Variants in MACROD2 observed in about 807,000 individuals in gnomAD.
MACROD2 encodes the protein ADP-ribose glycohydrolase MACROD2.
MACROD2 carries 36 observed loss-of-function variants against 70.4 expected under a neutral mutation model. The observed-to-expected ratio is 0.51, with a 90% CI of 0.39 to 0.68. The LOEUF (loss-of-function observed/expected upper bound fraction) is 0.68. Ranked by LOEUF, MACROD2 falls within the 30% of genes least tolerant of loss-of-function variation. The pLI is 0.00. For missense variants in MACROD2, 496 were observed against 538.4 expected, an observed-to-expected ratio of 0.92 and a Z score of 0.78; for synonymous variants, 172 against 178.8, an observed-to-expected ratio of 0.96 and a Z score of 0.30.
intron 6 of MACROD2, among the ~76,000 whole-genome samples, chr20:15,311,178 T>C (rs763717972): frequency 5.9e-5 from 9 of 152,022 alleles, no homozygotes; most frequent in Non-Finnish European, 1.2e-4. Flanking sequence ...TGATAAAAAC[T>C]ATGCAGTAAT....
intron 7 of MACROD2, among the ~76,000 whole-genome samples, chr20:15,464,874 C>G (rs979374766): frequency 3.9e-5 from 6 of 152,130 alleles, no homozygotes; most frequent in Non-Finnish European, 8.8e-5. Context: ...ATCCTTGTAT[C>G]TCCAATGCCT....
intron 8 of MACROD2, chr20:15,619,404 C>G (rs2049092629): frequency 8.5e-6 from 2 of 235,456 alleles, no homozygotes; most frequent in South Asian, 1.2e-4. Context: ...TTCATTGTCT[C>G]AGTTACAATT....
At chr20:14,399,827 A>AT in intron 3 of MACROD2, among the ~76,000 whole-genome samples, 3 of 151,892 alleles carry the variant, frequency 2.0e-5, no homozygotes, top group East Asian at 3.9e-4. Flanking sequence ...CAAGTTTACT[A>AT]TTTTTTTCTG....
chr20:15,706,909 A>T (rs2050540700), intron 8 of MACROD2, among the ~76,000 whole-genome samples: 1 of 152,196 alleles, frequency 6.6e-6, no homozygotes, highest in Non-Finnish European at 1.5e-5. Flanking sequence ...GATGTGATTC[A>T]TGGGCCCTGA....
intron 8 of MACROD2, among the ~76,000 whole-genome samples, chr20:15,798,196 G>A (rs1600907378): frequency 6.6e-6 from 1 of 152,210 alleles, no homozygotes; most frequent in East Asian, 1.9e-4. Context: ...TGAATTCAGT[G>A]AATTATGAAA....
intron 4 of MACROD2, among the ~76,000 whole-genome samples, chr20:14,515,493 A>ACACACACACACG (rs2085086831): frequency 1.3e-5 from 2 of 151,902 alleles, no homozygotes; most frequent in African/African-American, 4.8e-5. Context: ...ACACACACAC[A>ACACACACACACG]CACACGATGG....
At chr20:15,540,005 C>T (rs1020931440) in intron 8 of MACROD2, among the ~76,000 whole-genome samples, 1 of 152,106 alleles carries the variant, frequency 6.6e-6, no homozygotes, top group African/African-American at 2.4e-5. Flanking sequence ...AAAGAAGGTA[C>T]TTGATGGACA....
Position 15,470,019 on chromosome 20 carries a change from T to C in MACROD2, c.572-29755T>C, listed in dbSNP as rs571221087. On this transcript the variant is annotated intron_variant, in intron 7 of 17. Coordinates refer to ENST00000684519, the MANE Select transcript of MACROD2 (RefSeq NM_001351661.2). ...TTTGCCCATATTTCTCAGAAGTAAG[T>C]CTATTTATCTTTCTGTACCATTTTT... 9.9e-5 allele frequency among the ~76,000 whole-genome samples: 15 copies of C among 152,202 alleles called. 1 individual carries two copies. The East Asian group carries it at 1.5e-3, about 16-fold the overall frequency.
At chr20:15,612,988 G>A (rs1482309380) in intron 8 of MACROD2, among the ~76,000 whole-genome samples, 1 of 152,174 alleles carries the variant, frequency 6.6e-6, no homozygotes, top group Non-Finnish European at 1.5e-5. Context: ...CCAAGAGACT[G>A]TCATTTAATA....
chr20:15,793,819 A>G (rs934783343), intron 8 of MACROD2, among the ~76,000 whole-genome samples: 1 of 147,622 alleles, frequency 6.8e-6, no homozygotes, highest in African/African-American at 2.5e-5. Flanking sequence ...TATAATATAT[A>G]TCATAACATC....
At chr20:15,440,475 A>G (rs1160049397) in intron 7 of MACROD2, among the ~76,000 whole-genome samples, 4 of 152,182 alleles carry the variant, frequency 2.6e-5, no homozygotes, top group Non-Finnish European at 2.9e-5. Context: ...TTTGCATTCA[A>G]GTTTGCTCTG....
chr20:15,525,344 T>C (rs2047707777), intron 8 of MACROD2, among the ~76,000 whole-genome samples: 1 of 152,242 alleles, frequency 6.6e-6, no homozygotes, highest in South Asian at 2.1e-4. Flanking sequence ...ACAGAGTTCC[T>C]GGCAGAGTGG....
rs560672023 is a variant in MACROD2, at chr20:14,906,979, T to G, written c.418+222020T>G. 2.0e-5 allele frequency among the ~76,000 whole-genome samples: 3 copies of G among 152,196 alleles called. No homozygotes were observed. In the South Asian group the frequency reaches 6.2e-4, roughly 32 times the overall value. ...TACAGAATTGTATGGAATGCAGTAG[T>G]GAAGTAGGAGGTGAGACTCAGCTCT... On this transcript the variant is annotated intron_variant, in intron 5 of 17. Transcript: ENST00000684519.
chr20:15,510,346 G>T (rs1385996460), intron 8 of MACROD2, among the ~76,000 whole-genome samples: 1 of 152,092 alleles, frequency 6.6e-6, no homozygotes, highest in Non-Finnish European at 1.5e-5. Context: ...CTTCTAGGTA[G>T]GAAGGAAAAA....
chr20:14,087,623 G>A (rs969257966), intron 3 of MACROD2, among the ~76,000 whole-genome samples: 5 of 151,926 alleles, frequency 3.3e-5, no homozygotes, highest in African/African-American at 9.7e-5. Context: ...TACCTCATAG[G>A]GTACAGGTCT....
chr20:15,426,629 T>A (rs910955814), intron 6 of MACROD2, among the ~76,000 whole-genome samples: 1 of 152,128 alleles, frequency 6.6e-6, no homozygotes, highest in South Asian at 2.1e-4. Flanking sequence ...GTTTTTTGTT[T>A]TTGTCTCCCT....
intron 4 of MACROD2, among the ~76,000 whole-genome samples, chr20:14,624,310 G>A (rs910611587): frequency 1.3e-5 from 2 of 152,160 alleles, no homozygotes; most frequent in African/African-American, 2.4e-5. Context: ...GGGTTCTGGA[G>A]GTAGCATACA....
chr20:14,713,680 G>A (rs1157791804), intron 5 of MACROD2, among the ~76,000 whole-genome samples: 1 of 152,132 alleles, frequency 6.6e-6, no homozygotes. Flanking sequence ...GAAAGGCACA[G>A]AAAAATATAC....
In MACROD2 at chr20:14,720,569, T is replaced by TTGTG. The variant is rs1555821251; in HGVS notation, c.418+35611_418+35614dup. Among the ~76,000 whole-genome samples, 96 of 84,140 alleles carry TTGTG rather than the reference T, an allele frequency of 1.1e-3. 2 individuals carry two copies. Among genetic ancestry groups the TTGTG allele is most frequent in the South Asian group, 4.6e-3 (13 of 2,850 alleles). The allele number at this position is 84,140 out of a possible 152,430, so 55.2% of individuals were successfully genotyped here. A position where few individuals can be genotyped will look rare whatever the true frequency, so the allele number is the denominator to read the frequency against. On this transcript the variant is annotated intron_variant, in intron 5 of 17. Coordinates refer to ENST00000684519, the MANE Select transcript of MACROD2 (RefSeq NM_001351661.2). ...TTTTTTTTTTTTTTTTTTTTTTTTT[T>TTGTG]TGTGAGGCAGAGTCTCGCTCTGTTG...
Sources: gnomAD v4.1 joint callset for allele counts (sites outside exome capture counted in the v4.1 genomes callset) on GRCh38, gnomAD v4.1.1 for gene constraint, MANE v1.5 for transcripts, NCBI Gene and HGNC (gene_info 2026-07-23, HGNC 2026-07-21) for gene names.